Variants in CNTN5 observed in about 807,000 individuals in gnomAD.
The protein encoded by CNTN5 is contactin-5.
In CNTN5, 77 loss-of-function variants were observed where a neutral mutation model predicts 129.1. The ratio of observed to expected loss-of-function variants is 0.60; its 90% CI spans 0.50 to 0.72. The LOEUF is 0.72. CNTN5 is among the 30% of genes least tolerant of loss of function. The pLI is 0.00. For missense variants in CNTN5, 1,478 were observed against 1,328.8 expected, an observed-to-expected ratio of 1.11 and a Z score of -1.75; for synonymous variants, 509 against 465.6, an observed-to-expected ratio of 1.09 and a Z score of -1.20.
chr11:99,979,435 T>G (rs1384054165), intron 8 of CNTN5, among the ~76,000 whole-genome samples: 5 of 152,216 alleles, frequency 3.3e-5, no homozygotes, highest in South Asian at 2.1e-4. Context: ...GGGAAAAACA[T>G]ACAAAGGCAC....
At chr11:99,055,884 C>T (rs186185150) in intron 1 of CNTN5, among the ~76,000 whole-genome samples, 1 of 152,008 alleles carries the variant, frequency 6.6e-6, no homozygotes, top group African/African-American at 2.4e-5. Flanking sequence ...TCCTTCAGAC[C>T]GATCATCCAG....
At chr11:99,868,121 C>G (rs768511112) in intron 6 of CNTN5, among the ~76,000 whole-genome samples, 34 of 151,782 alleles carry the variant, frequency 2.2e-4, no homozygotes, top group African/African-American at 6.3e-4. Context: ...GAAGATGAGG[C>G]AGGAGAATCA....
intron 1 of CNTN5, among the ~76,000 whole-genome samples, chr11:99,080,548 C>T (rs908661772): frequency 6.6e-6 from 1 of 152,158 alleles, no homozygotes; most frequent in Non-Finnish European, 1.5e-5. Flanking sequence ...GGCAGATTCC[C>T]AAATTTGCTG....
intron 1 of CNTN5, among the ~76,000 whole-genome samples, chr11:99,279,483 T>G (rs2135883643): frequency 6.6e-6 from 1 of 151,950 alleles, no homozygotes; most frequent in Non-Finnish European, 1.5e-5. Context: ...GGAATGCCAG[T>G]AACTCCTAGT....
intron 4 of CNTN5, among the ~76,000 whole-genome samples, chr11:99,844,158 G>A (rs764619293): frequency 1.3e-5 from 2 of 152,166 alleles, no homozygotes; most frequent in African/African-American, 4.8e-5. Flanking sequence ...CTGGTATATA[G>A]TAGGCAATAA....
chr11:99,185,631 A>C (rs1858306695), intron 1 of CNTN5, among the ~76,000 whole-genome samples: 1 of 151,758 alleles, frequency 6.6e-6, no homozygotes, highest in South Asian at 2.1e-4. Flanking sequence ...CTATATTTTT[A>C]AGGAAATAAA....
rs1377730193 is a variant in CNTN5 at position 100,299,165 on chromosome 11, G to C, written c.2389G>C (p.Val797Leu). ...RHELVIAWEP[V>L]SEEFQNGEGF... ...TAATTATATTTTTCTTCTTTAGCCA[G>C]TATCTGAAGAGTTTCAGAATGGGGA... The change falls in exon 20 of 25, where the codon GTA becomes CTA. Residue 797 changes from valine (V) to leucine (L), a missense_variant. Physicochemically the swap from Val to Leu is conservative, Grantham distance 32 (BLOSUM62 1). Transcript: ENST00000524871. 6.3e-7 allele frequency: 1 copy of C among 1,582,590 alleles called. No homozygotes were observed. Among genetic ancestry groups the C allele is most frequent in the African/African-American group, 1.4e-5 (1 of 73,858 alleles).
chr11:99,336,561 C>A (rs1464806924), intron 2 of CNTN5, among the ~76,000 whole-genome samples: 1 of 151,896 alleles, frequency 6.6e-6, no homozygotes, highest in Non-Finnish European at 1.5e-5. Context: ...AGAAATAGGC[C>A]TGGTGCAGTG....
chr11:99,715,933 G>A (rs1180390273), intron 3 of CNTN5, among the ~76,000 whole-genome samples: 1 of 151,792 alleles, frequency 6.6e-6, no homozygotes, highest in South Asian at 2.1e-4. Context: ...AAATAAAGAG[G>A]AGAGTATATC....
At chr11:99,838,099 A>C in intron 4 of CNTN5, among the ~76,000 whole-genome samples, 1 of 152,274 alleles carries the variant, frequency 6.6e-6, no homozygotes, top group Non-Finnish European at 1.5e-5. Flanking sequence ...ATGGAGTAGA[A>C]TTGGGTAAAA....
At chr11:99,877,250 C>T (rs577074220) in intron 6 of CNTN5, among the ~76,000 whole-genome samples, 2 of 151,958 alleles carry the variant, frequency 1.3e-5, no homozygotes, top group Non-Finnish European at 2.9e-5. Flanking sequence ...TATGAAACCC[C>T]GTAGGATAAA....
chr11:100,224,230 A>C (rs555955496), intron 15 of CNTN5, among the ~76,000 whole-genome samples: 3 of 152,138 alleles, frequency 2.0e-5, no homozygotes, highest in African/African-American at 7.2e-5. Context: ...TCTGTTGCCT[A>C]CAGTGTTCTT....
intron 2 of CNTN5, among the ~76,000 whole-genome samples, chr11:99,417,234 T>A (rs1018588285): frequency 6.6e-6 from 1 of 152,192 alleles, no homozygotes; most frequent in Admixed American, 6.5e-5. Context: ...TATTAGGTAG[T>A]CTTGGTCCAA....
At chr11:99,484,851 C>A (rs1359901479) in intron 2 of CNTN5, among the ~76,000 whole-genome samples, 2 of 152,052 alleles carry the variant, frequency 1.3e-5, no homozygotes. Flanking sequence ...CAAACAACAA[C>A]AACAAAACAC....
At chr11:100,130,858 A>T (rs988405914) in intron 13 of CNTN5, among the ~76,000 whole-genome samples, 2 of 152,232 alleles carry the variant, frequency 1.3e-5, no homozygotes, top group Admixed American at 6.5e-5. Flanking sequence ...TTTAAGCAGG[A>T]TTTTAATGAC....
At chr11:99,732,541 CA>C in intron 3 of CNTN5, among the ~76,000 whole-genome samples, 1 of 152,028 alleles carries the variant, frequency 6.6e-6, no homozygotes, top group East Asian at 1.9e-4. Context: ...GGAAATATTC[CA>C]TGAGAGAGGT....
chr11:99,938,878 G>C (rs1471890890), intron 7 of CNTN5, among the ~76,000 whole-genome samples: 1 of 152,012 alleles, frequency 6.6e-6, no homozygotes, highest in Non-Finnish European at 1.5e-5. Flanking sequence ...GGAAGGATTT[G>C]AAAAATTTTA....
intron 6 of CNTN5, among the ~76,000 whole-genome samples, chr11:99,890,036 C>T (rs1565643747): frequency 6.6e-6 from 1 of 152,162 alleles, no homozygotes; most frequent in Non-Finnish European, 1.5e-5. Context: ...TATGTTTTCT[C>T]ATAGTGCTTA....
chr11:99,215,099 A>G (rs938838290), intron 1 of CNTN5, among the ~76,000 whole-genome samples: 3 of 152,150 alleles, frequency 2.0e-5, no homozygotes, highest in Non-Finnish European at 2.9e-5. Context: ...CACCCAGAAT[A>G]TAACAGTGAT....
Sources: allele counts gnomAD v4.1 joint callset (sites outside exome capture counted in the v4.1 genomes callset), GRCh38; gene constraint gnomAD v4.1.1; transcripts MANE v1.5; gene names NCBI Gene and HGNC (gene_info 2026-07-23, HGNC 2026-07-21).